PALD1: variants seen among roughly 807,000 people sequenced by gnomAD.
PALD1 encodes paladin.
A neutral mutation model predicts 96.0 loss-of-function variants in PALD1; 57 were observed. That is an observed-to-expected ratio of 0.59 (90% CI 0.48 to 0.74). PALD1 has a LOEUF of 0.74. Among genes scored for constraint, PALD1 ranks in the 30% least tolerant of loss-of-function variants. The probability of loss-of-function intolerance (pLI) is 0.00; values close to 1 mark genes in which losing one functional copy is unlikely to be tolerated. For missense variants in PALD1, 1,063 were observed against 1,143.7 expected (o/e 0.93, Z 1.02); for synonymous variants, 464 against 473.6 (o/e 0.98, Z 0.26).
At position 70,539,879 on chromosome 10, in the gene PALD1, A is replaced by G; in HGVS notation, c.1908+117A>G. The G allele has an allele frequency of 1.1e-6, 1 of 874,822 alleles. No homozygotes were observed. Among genetic ancestry groups the G allele is most frequent in the Non-Finnish European group, 1.7e-6 (1 of 574,266 alleles). The allele number at this position is 874,822 out of a possible 1,614,324, so 54.2% of individuals were successfully genotyped here. On this transcript the variant is annotated intron_variant, in intron 15 of 19. Transcript: ENST00000263563. This position sits in a 1 kb window ranked among gnomAD's most constrained non-coding sequence, Gnocchi z 4.5. ...CCCAGCTTCTCTACGGGGCCCGGGA[A>G]TGGTCTCACGAGGTTTTCCGATTTG...
chr10:70,552,277 G>T (rs1847497697), intron 18 of PALD1, among the ~76,000 whole-genome samples: 1 of 152,226 alleles, frequency 6.6e-6, no homozygotes, highest in Non-Finnish European at 1.5e-5. Context: ...GTGAGTGGAA[G>T]TACTGTTTCT....
intron 1 of PALD1, among the ~76,000 whole-genome samples, chr10:70,516,880 T>G (rs1846630344): frequency 7.1e-6 from 1 of 140,706 alleles, no homozygotes; most frequent in Non-Finnish European, 1.6e-5. Flanking sequence ...TAATGAGATA[T>G]TTTACTGTAT....
intron 2 of PALD1, among the ~76,000 whole-genome samples, chr10:70,527,667 G>A (rs1477059147): frequency 6.6e-6 from 1 of 152,208 alleles, no homozygotes; most frequent in Non-Finnish European, 1.5e-5. Context: ...TTTCAGGGAG[G>A]TAGAGAGATT....
rs759921005 is a variant in PALD1 at position 70,537,946 on chromosome 10, G to A, written c.1323+40G>A. 10 of 1,376,032 alleles carry A rather than the reference G, an allele frequency of 7.3e-6. No individual in the cohort carries two copies. The South Asian group carries it at 1.1e-4, about 14-fold the overall frequency. The allele number at this position is 1,376,032 out of a possible 1,614,324, so 85.2% of individuals were successfully genotyped here. A position where few individuals can be genotyped will look rare whatever the true frequency, so the allele number is the denominator to read the frequency against. ...GAGCAGACCCACGTCCCCTCCTCCTGGGCCTCTCCCAGCCTCCCCACCGCA... is the reference window on the plus strand; with the variant it reads ...GAGCAGACCCACGTCCCCTCCTCCTAGGCCTCTCCCAGCCTCCCCACCGCA... On this transcript the variant is annotated intron_variant, in intron 11 of 19. Transcript: ENST00000263563.
chr10:70,538,938 A>G lies in PALD1; in HGVS notation c.1499A>G (p.Glu500Gly), dbSNP rs1847173426. The change falls in exon 13 of 20, where the codon GAG (glutamate) becomes GGG (glycine). Residue 500 changes from glutamate to glycine, a missense_variant. By Grantham distance (98) the Glu-to-Gly change is moderately conservative (BLOSUM62 -2). Coordinates refer to ENST00000263563, the MANE Select transcript of PALD1 (RefSeq NM_014431.3). ...VSPDALSTVR[E>G]MDVANFRRVP... ...CCGGACGCGCTCAGCACTGTCAGAG[A>G]GATGGATGTGGCCAACTTCCGGCGG... 6.2e-7 allele frequency: 1 copy of G among 1,613,680 alleles called. No individual in the cohort carries two copies. The highest frequency in any genetic ancestry group is 1.1e-5 in the South Asian group (1 of 91,088).
intron 18 of PALD1, among the ~76,000 whole-genome samples, chr10:70,556,258 A>G (rs1022301371): frequency 7.3e-6 from 1 of 137,894 alleles, no homozygotes; most frequent in Non-Finnish European, 1.6e-5. Context: ...TGTGTAGGGC[A>G]CATGTTCTCA....
chr10:70,498,206 A>G (rs1168555746), intron 1 of PALD1, among the ~76,000 whole-genome samples: 1 of 152,188 alleles, frequency 6.6e-6, no homozygotes, highest in Admixed American at 6.5e-5. Flanking sequence ...AACATATAAC[A>G]TAATGTCCTC....
At chr10:70,528,619 A>G (rs1197028832) in intron 2 of PALD1, among the ~76,000 whole-genome samples, 2 of 151,874 alleles carry the variant, frequency 1.3e-5, no homozygotes, top group African/African-American at 4.8e-5. Flanking sequence ...TGATGGAGGG[A>G]CCATCCAGTG....
At chr10:70,532,541 A>G (rs1245940009) in intron 5 of PALD1, 80 bp from the exon 6 acceptor site, 8 of 1,439,842 alleles carry the variant, frequency 5.6e-6, no homozygotes, top group Non-Finnish European at 7.7e-6. Context: ...TGGTCTGGTC[A>G]CTCCAGAGCT....
chr10:70,475,367 C>T (rs1003280071), upstream of PALD1, among the ~76,000 whole-genome samples: 1 of 152,130 alleles, frequency 6.6e-6, no homozygotes, highest in Non-Finnish European at 1.5e-5. Context: ...TCAGGCGTCA[C>T]GGATGAGTTT....
In PALD1 at chr10:70,557,611, C is replaced by T. The variant is rs867411574; in HGVS notation, c.2263-6753C>T. On this transcript the variant is annotated intron_variant, in intron 18 of 19. Transcript: ENST00000263563. ...AAAGCGTCCTGTACTGGGGCCCCAC[C>T]GCTGGGCTGGCCTGAGGATGCAGTT... Among the ~76,000 whole-genome samples, 13 of 152,292 alleles carry T rather than the reference C, an allele frequency of 8.5e-5. No homozygotes were observed. In the South Asian group the frequency reaches 2.3e-3, roughly 27 times the overall value.
intron 1 of PALD1, among the ~76,000 whole-genome samples, chr10:70,493,398 CAGTGA>C (rs1846131449): frequency 2.0e-5 from 3 of 152,248 alleles, no homozygotes; most frequent in African/African-American, 7.2e-5. Context: ...GCTCTGCGGA[CAGTGA>C]TGTCTGCAGT....
the PALD1 span, among the ~76,000 whole-genome samples, chr10:70,472,003 T>TG: frequency 6.6e-6 from 1 of 152,168 alleles, no homozygotes; most frequent in South Asian, 2.1e-4. Flanking sequence ...CTAGCAAGTC[T>TG]GGGGGCCTCG....
At chr10:70,538,834 C>T in intron 12 of PALD1, 58 bp from the exon 13 acceptor site, 1 of 1,468,638 alleles carries the variant, frequency 6.8e-7, no homozygotes, top group Non-Finnish European at 9.5e-7. Context: ...CAGGTCCTGA[C>T]CCTTTCTGCG....
intron 1 of PALD1, among the ~76,000 whole-genome samples, chr10:70,499,690 C>T (rs1384394065): frequency 6.6e-6 from 1 of 152,216 alleles, no homozygotes; most frequent in Non-Finnish European, 1.5e-5. Context: ...TGCTTGCTCC[C>T]CTGCCCGAAG....
chr10:70,473,301 GCA>G, the PALD1 span, among the ~76,000 whole-genome samples: 1 of 152,314 alleles, frequency 6.6e-6, no homozygotes, highest in African/African-American at 2.4e-5. Context: ...AGGTCTGTGA[GCA>G]CCTCGAGGGC....
chr10:70,540,515 G>A lies in PALD1; in HGVS notation c.1909-587G>A, dbSNP rs1010261518. ...TCCCTGTGTGGTGCGTGTGTCTGGC[G>A]TGTGTTGTAGGTGAGCCACCGTGTG... On this transcript the variant is annotated intron_variant, in intron 15 of 19. Transcript: ENST00000263563. The surrounding 1 kb of genome is among the most constrained non-coding windows in gnomAD (Gnocchi z 4.2). Among the ~76,000 whole-genome samples the A allele has an allele frequency of 3.9e-5, 6 of 151,912 alleles. No individual in the cohort carries two copies. The highest frequency in any genetic ancestry group is 5.9e-5 in the Non-Finnish European group (4 of 67,966).
intron 1 of PALD1, among the ~76,000 whole-genome samples, chr10:70,524,115 G>A (rs975183000): frequency 6.6e-6 from 1 of 152,220 alleles, no homozygotes; most frequent in Non-Finnish European, 1.5e-5. Flanking sequence ...AGTCCCTACT[G>A]ATGTGGAGCA....
chr10:70,491,916 C>A (rs1283627892), intron 1 of PALD1, among the ~76,000 whole-genome samples: 1 of 152,206 alleles, frequency 6.6e-6, no homozygotes, highest in Non-Finnish European at 1.5e-5. Context: ...TAGCAAATAT[C>A]AGTACTCCAT....
Sources: allele counts gnomAD v4.1 joint callset (sites outside exome capture counted in the v4.1 genomes callset), GRCh38; gene constraint gnomAD v4.1.1; non-coding constraint Gnocchi (gnomAD v3.1); transcripts MANE v1.5; gene names NCBI Gene and HGNC (gene_info 2026-07-23, HGNC 2026-07-21).